Variants in FTO observed in about 807,000 individuals in gnomAD.
The protein encoded by FTO is alpha-ketoglutarate-dependent dioxygenase FTO.
Under a neutral mutation model 63.9 loss-of-function variants are expected in FTO, and 47 were observed. The observed-to-expected ratio is 0.74, with a 90% CI of 0.58 to 0.94. FTO has a LOEUF of 0.94. FTO is among the 40% of genes least tolerant of loss of function. The probability of loss-of-function intolerance (pLI) is 0.00; values close to 1 mark genes in which losing one functional copy is unlikely to be tolerated. For missense variants in FTO, 562 were observed against 618.1 expected, an observed-to-expected ratio of 0.91 and a Z score of 0.96; for synonymous variants, 207 against 224.4, an observed-to-expected ratio of 0.92 and a Z score of 0.69.
At chr16:54,018,805 G>T (rs2084521278) in intron 8 of FTO, among the ~76,000 whole-genome samples, 1 of 152,164 alleles carries the variant, frequency 6.6e-6, no homozygotes, top group Non-Finnish European at 1.5e-5. Context: ...CTGTGGAACT[G>T]AGTCAATTAA....
rs576001666 is a variant in FTO, at chr16:53,841,540, C to T, written c.752-2615C>T. 1.8e-3 allele frequency among the ~76,000 whole-genome samples: 272 copies of T among 152,312 alleles called. 4 individuals are homozygous for T. Among genetic ancestry groups the T allele is most frequent in the Middle Eastern group, 3.4e-3 (1 of 294 alleles). ...TAAAAGTCACTTAGCAGCATTCCTT[C>T]CTTGCAGAGACCATGAACTTGGCTT... On this transcript the variant is annotated intron_variant, in intron 3 of 8. Transcript: ENST00000471389.
intron 1 of FTO, among the ~76,000 whole-genome samples, chr16:53,706,758 T>C (rs1338387852): frequency 6.6e-6 from 1 of 152,218 alleles, no homozygotes; most frequent in East Asian, 1.9e-4. Flanking sequence ...TTGTTCCTTT[T>C]TATCGCAAAT....
chr16:53,827,781 G>A (rs772247304), intron 3 of FTO, among the ~76,000 whole-genome samples: 1 of 152,144 alleles, frequency 6.6e-6, no homozygotes, highest in Non-Finnish European at 1.5e-5. Flanking sequence ...CTGTCCTAAT[G>A]GAAAGAACGG....
In FTO at chr16:53,727,640, T is replaced by G. The variant is rs1044054118; in HGVS notation, c.45+23411T>G. 8.5e-5 allele frequency among the ~76,000 whole-genome samples: 13 copies of G among 152,332 alleles called. 1 individual carries two copies. The highest frequency in any genetic ancestry group is 6.2e-4 in the South Asian group (3 of 4,830). The stretch of plus-strand genomic sequence containing the variant: ...GTGGAAGAGGATGAACCTAACAGTA[T>G]TCTGGAAGTGTATGGAAAGTGTTGG... On this transcript the variant is annotated intron_variant, in intron 1 of 8. Coordinates refer to ENST00000471389, the MANE Select transcript of FTO (RefSeq NM_001080432.3).
At chr16:54,089,708 T>C (rs1261742319) in intron 8 of FTO, among the ~76,000 whole-genome samples, 1 of 152,098 alleles carries the variant, frequency 6.6e-6, no homozygotes, top group East Asian at 1.9e-4. Context: ...ATCTAATTTT[T>C]AAAATGAGCG....
At position 53,993,930 on chromosome 16, in the gene FTO, G is replaced by A. The variant is rs1023577086; in HGVS notation, c.1364+59821G>A. 5.9e-5 allele frequency: 9 copies of A among 152,230 alleles called. No homozygotes were observed. The East Asian group carries it at 1.7e-3, about 29-fold the overall frequency. 9.4% of individuals were successfully genotyped at this position (152,230 alleles called of 1,614,324 possible). ...AAATACAGGGATTCATTTTATCATA[G>A]TTTCTTAAAAACTTTGAAACCCAGT... On this transcript the variant is annotated intron_variant, in intron 8 of 8. Coordinates refer to ENST00000471389, the MANE Select transcript of FTO (RefSeq NM_001080432.3).
At chr16:53,984,956 T>C (rs192007863) in intron 8 of FTO, 2 of 456,592 alleles carry the variant, frequency 4.4e-6, no homozygotes, top group African/African-American at 2.0e-5. Flanking sequence ...GGAGTGTTGG[T>C]AAGTAGAGAA....
At chr16:54,041,957 G>A (rs934696792) in intron 8 of FTO, among the ~76,000 whole-genome samples, 1 of 152,174 alleles carries the variant, frequency 6.6e-6, no homozygotes, top group Non-Finnish European at 1.5e-5. Flanking sequence ...TCCTATTGTC[G>A]TGGATCCCTG....
At position 53,815,845 on chromosome 16, in the gene FTO, C is replaced by T. The variant is rs370772621; in HGVS notation, c.123+5628C>T. Among the ~76,000 whole-genome samples the T allele has an allele frequency of 3.6e-4, 53 of 148,900 alleles. No homozygotes were observed. In the East Asian group the frequency reaches 5.5e-3, roughly 15 times the overall value. On this transcript the variant is annotated intron_variant, in intron 2 of 8. Coordinates refer to ENST00000471389, the MANE Select transcript of FTO (RefSeq NM_001080432.3). ...TGTATTTTTAGTAGAAACAGGGTTTCGCCTTGTTGGCCAGGCTGGTCTCAA... is the reference window on the plus strand; with the variant it reads ...TGTATTTTTAGTAGAAACAGGGTTTTGCCTTGTTGGCCAGGCTGGTCTCAA...
intron 8 of FTO, among the ~76,000 whole-genome samples, chr16:54,017,080 C>T (rs1309955072): frequency 1.3e-5 from 2 of 152,104 alleles, no homozygotes; most frequent in Non-Finnish European, 2.9e-5. Context: ...GAGTGTAAAG[C>T]CTGAGTGGTT....
In FTO at chr16:53,796,673, A is replaced by G. The variant is rs77443221; in HGVS notation, c.46-13467A>G. Among the ~76,000 whole-genome samples, 1,125 of 152,314 alleles carry G rather than the reference A, an allele frequency of 7.4e-3. 14 individuals are homozygous for G. The highest frequency in any genetic ancestry group is 0.025 in the African/African-American group (1,036 of 41,576). On this transcript the variant is annotated intron_variant, in intron 1 of 8. Coordinates refer to ENST00000471389, the MANE Select transcript of FTO (RefSeq NM_001080432.3). ...AGAAGTAGAAAATCTGAATAAAACAATGAACGAAATTGAATGATAATGAAA... is the reference window on the plus strand; with the variant it reads ...AGAAGTAGAAAATCTGAATAAAACAGTGAACGAAATTGAATGATAATGAAA...
intron 1 of FTO, among the ~76,000 whole-genome samples, chr16:53,771,423 A>C (rs111904614): frequency 3.9e-5 from 6 of 152,080 alleles, no homozygotes; most frequent in Non-Finnish European, 7.4e-5. Flanking sequence ...CCAAGCCACT[A>C]GCATCACTCT....
At chr16:53,823,036 A>G (rs1482543588) in intron 2 of FTO, among the ~76,000 whole-genome samples, 1 of 152,110 alleles carries the variant, frequency 6.6e-6, no homozygotes, top group Non-Finnish European at 1.5e-5. Context: ...ACTCCCCTTC[A>G]TAGCAGAACC....
chr16:54,083,299 C>T (rs2086189375), intron 8 of FTO, among the ~76,000 whole-genome samples: 1 of 152,120 alleles, frequency 6.6e-6, no homozygotes. Flanking sequence ...TTATAGTGTC[C>T]TGGTTGTTGG....
At chr16:53,791,392 C>T (rs2077906374) in intron 1 of FTO, among the ~76,000 whole-genome samples, 1 of 152,150 alleles carries the variant, frequency 6.6e-6, no homozygotes, top group Non-Finnish European at 1.5e-5. Context: ...TGTACTCTCC[C>T]ACCTTTTTTT....
At chr16:53,777,638 G>A (rs1000331468) in intron 1 of FTO, among the ~76,000 whole-genome samples, 2 of 152,076 alleles carry the variant, frequency 1.3e-5, no homozygotes, top group African/African-American at 4.8e-5. Context: ...TCATTATACA[G>A]TGTAAAAAAA....
intron 8 of FTO, among the ~76,000 whole-genome samples, chr16:54,074,011 C>T (rs12149010): frequency 0.18 from 26,972 of 151,908 alleles, 3,174 homozygotes; most frequent in Non-Finnish European, 0.26. Context: ...TATAGTCTGT[C>T]CTGTGAGTTA....
chr16:53,782,662 T>G (rs1205673812), intron 1 of FTO, among the ~76,000 whole-genome samples: 1 of 152,240 alleles, frequency 6.6e-6, no homozygotes, highest in East Asian at 1.9e-4. Context: ...ACTGGTATAG[T>G]GGCAGAGCTC....
intron 8 of FTO, among the ~76,000 whole-genome samples, chr16:54,026,598 G>A (rs2084720318): frequency 6.6e-6 from 1 of 152,176 alleles, no homozygotes; most frequent in African/African-American, 2.4e-5. Flanking sequence ...ATGTTAGGAA[G>A]GCAACCTGCA....
Sources: allele counts gnomAD v4.1 joint callset (sites outside exome capture counted in the v4.1 genomes callset), GRCh38; gene constraint gnomAD v4.1.1; transcripts MANE v1.5; gene names NCBI Gene and HGNC (gene_info 2026-07-23, HGNC 2026-07-21).